Variants in CCDC141 observed in about 807,000 individuals in gnomAD.
The protein encoded by CCDC141 is coiled-coil domain containing 141.
In CCDC141, 168 loss-of-function variants were observed where a neutral mutation model predicts 181.0. That is an observed-to-expected ratio of 0.93 (90% CI 0.82 to 1.05). CCDC141 has a LOEUF of 1.05. Among genes scored for constraint, CCDC141 ranks in the 50% least tolerant of loss-of-function variants. The pLI is 0.00. For synonymous variants in CCDC141, 666 were observed against 642.3 expected (o/e 1.04, Z -0.56); for missense variants, 1,902 against 1,788.5 (o/e 1.06, Z -1.14).
intron 2 of CCDC141, among the ~76,000 whole-genome samples, chr2:178,996,846 T>C (rs1253657614): frequency 6.6e-6 from 1 of 152,236 alleles, no homozygotes; most frequent in Non-Finnish European, 1.5e-5. Context: ...GCAGACATTC[T>C]GCTTTGGGAA....
At chr2:178,989,131 A>T (rs1691904941) in intron 2 of CCDC141, among the ~76,000 whole-genome samples, 1 of 152,212 alleles carries the variant, frequency 6.6e-6, no homozygotes. Context: ...CATAAGCAAC[A>T]ACAACAACAA....
chr2:178,926,056 G>A (rs373096923), intron 6 of CCDC141, among the ~76,000 whole-genome samples: 10 of 151,968 alleles, frequency 6.6e-5, no homozygotes, highest in African/African-American at 2.2e-4. Context: ...AAATCTGATT[G>A]GCTGTTATTA....
intron 6 of CCDC141, among the ~76,000 whole-genome samples, chr2:178,942,664 G>A (rs191540294): frequency 6.6e-6 from 1 of 152,202 alleles, no homozygotes; most frequent in Admixed American, 6.5e-5. Flanking sequence ...TGAACTTTGG[G>A]TAATAATGAT....
intron 23 of CCDC141, 43 bp from the exon 24 acceptor site, chr2:178,834,483 T>C: frequency 6.6e-7 from 1 of 1,526,390 alleles, no homozygotes; most frequent in Non-Finnish European, 8.8e-7. Context: ...TTGCTGTTTA[T>C]TCACATTATT....
intron 2 of CCDC141, among the ~76,000 whole-genome samples, chr2:179,032,106 T>C (rs1034029357): frequency 4.6e-5 from 7 of 152,130 alleles, no homozygotes; most frequent in African/African-American, 1.4e-4. Context: ...TGCCTGAAAT[T>C]TGTACCCTGG....
intron 22 of CCDC141, among the ~76,000 whole-genome samples, chr2:178,842,584 C>T (rs1470972952): frequency 6.6e-6 from 1 of 152,184 alleles, no homozygotes; most frequent in East Asian, 1.9e-4. Context: ...GTGGGCAGAA[C>T]CAATCCTCAA....
chr2:178,914,554 C>T (rs1178272324), intron 7 of CCDC141, among the ~76,000 whole-genome samples: 2 of 152,180 alleles, frequency 1.3e-5, no homozygotes, highest in East Asian at 3.8e-4. Context: ...TCATCAAACC[C>T]TAGCAGAATT....
intron 11 of CCDC141, among the ~76,000 whole-genome samples, chr2:178,882,511 T>C (rs917006897): frequency 6.6e-5 from 10 of 152,196 alleles, no homozygotes; most frequent in Non-Finnish European, 1.3e-4. Context: ...CTTTAGTTTA[T>C]TGGAACCCAT....
chr2:178,956,966 G>A (rs997204044), intron 5 of CCDC141, among the ~76,000 whole-genome samples: 7 of 151,542 alleles, frequency 4.6e-5, no homozygotes, highest in Admixed American at 2.0e-4. Context: ...CACAAACTCC[G>A]CCTCCCAGGT....
chr2:178,888,836 ATTCTT>A (rs1212937986), intron 8 of CCDC141, among the ~76,000 whole-genome samples, 168 bp from the exon 9 acceptor site: 1 of 152,166 alleles, frequency 6.6e-6, no homozygotes. Context: ...CAAAAATTAT[ATTCTT>A]TTGTTTTGTC....
intron 2 of CCDC141, among the ~76,000 whole-genome samples, chr2:178,990,534 G>GAGGAAGGAAGGAAGGAAGGA (rs146600473): frequency 7.4e-5 from 10 of 134,504 alleles, no homozygotes; most frequent in African/African-American, 2.6e-4. Context: ...GAAAGAGAGA[G>GAGGAAGGAAGGAAGGAAGGA]AGGAAGGAAG....
At chr2:178,847,818 G>A (rs186069513) in intron 21 of CCDC141, among the ~76,000 whole-genome samples, 1 of 152,290 alleles carries the variant, frequency 6.6e-6, no homozygotes, top group Admixed American at 6.5e-5. Flanking sequence ...ATTAGGTCAT[G>A]AGGGTGAAGC....
chr2:178,988,552 A>T (rs537775724), intron 2 of CCDC141, among the ~76,000 whole-genome samples: 13 of 152,274 alleles, frequency 8.5e-5, no homozygotes, highest in South Asian at 2.1e-4. Flanking sequence ...GAGTTGGAAG[A>T]CTTAGTGTTG....
chr2:179,031,743 T>C (rs574658668), intron 2 of CCDC141, among the ~76,000 whole-genome samples: 2 of 152,130 alleles, frequency 1.3e-5, no homozygotes, highest in Non-Finnish European at 2.9e-5. Flanking sequence ...ACTAGCAAAG[T>C]GTTTTCTTTT....
intron 2 of CCDC141, among the ~76,000 whole-genome samples, chr2:179,006,722 T>C (rs1018798734): frequency 2.0e-5 from 3 of 152,162 alleles, no homozygotes; most frequent in Non-Finnish European, 4.4e-5. Context: ...AATACAAGAA[T>C]AAAACCATTG....
At position 178,869,307 on chromosome 2, in the gene CCDC141, T is replaced by C; in HGVS notation, c.2206-2A>G. 1 of 1,571,412 alleles carries C rather than the reference T, an allele frequency of 6.4e-7. No individual in the cohort carries two copies. The highest frequency in any genetic ancestry group is 8.6e-7 in the Non-Finnish European group (1 of 1,165,668). On this transcript the variant is annotated splice_acceptor_variant, in intron 14 of 23. Coordinates refer to ENST00000443758, the MANE Select transcript of CCDC141 (RefSeq NM_173648.4). LOFTEE classifies it high-confidence loss of function. ...GTACTGAACCTCATCATTCAATTGC[T>C]AAAACATTGAAAGCAATAAAAAAAT... is the stretch of plus-strand genomic sequence containing the variant.
intron 20 of CCDC141, among the ~76,000 whole-genome samples, chr2:178,851,644 A>G (rs1685170112): frequency 6.6e-6 from 1 of 152,208 alleles, no homozygotes; most frequent in Admixed American, 6.5e-5. Context: ...AGACCTCAGA[A>G]GTGTGAGAAA....
intron 11 of CCDC141, among the ~76,000 whole-genome samples, 163 bp downstream of exon 11, chr2:178,884,738 C>A (rs888295857): frequency 9.9e-5 from 15 of 152,140 alleles, no homozygotes; most frequent in South Asian, 2.1e-4. Context: ...AGAACTGCTG[C>A]AATCACTCTT....
At chr2:179,009,192 T>C (rs563413697) in intron 2 of CCDC141, among the ~76,000 whole-genome samples, 7 of 152,304 alleles carry the variant, frequency 4.6e-5, no homozygotes, top group African/African-American at 1.4e-4. Context: ...TTTCCCCCTA[T>C]ACCCTCCTTT....
Sources: gnomAD v4.1 joint callset for allele counts (sites outside exome capture counted in the v4.1 genomes callset) on GRCh38, gnomAD v4.1.1 for gene constraint, MANE v1.5 for transcripts, NCBI Gene and HGNC (gene_info 2026-07-23, HGNC 2026-07-21) for gene names.